Variants in CNTN5 observed in about 807,000 individuals in gnomAD.
CNTN5 encodes the protein contactin 5, also known as contactin-5.
Under a neutral mutation model 129.1 loss-of-function variants are expected in CNTN5, and 77 were observed. That is an observed-to-expected ratio of 0.60 (90% CI 0.50 to 0.72). The LOEUF is 0.72. CNTN5 is among the 30% of genes least tolerant of loss of function. The pLI is 0.00. For missense variants in CNTN5, 1,478 were observed against 1,328.8 expected, an observed-to-expected ratio of 1.11 and a Z score of -1.75; for synonymous variants, 509 against 465.6, an observed-to-expected ratio of 1.09 and a Z score of -1.20.
intron 2 of CNTN5, among the ~76,000 whole-genome samples, chr11:99,362,200 A>G (rs1055620797): frequency 5.9e-5 from 9 of 151,946 alleles, no homozygotes; most frequent in Admixed American, 5.2e-4. Context: ...GTGGGATCTC[A>G]CTGTGGTTTT....
intron 3 of CNTN5, among the ~76,000 whole-genome samples, chr11:99,621,535 T>TATTTAGTG (rs5793999): frequency 2.6e-5 from 4 of 151,630 alleles, no homozygotes; most frequent in Admixed American, 2.0e-4. Flanking sequence ...AATACAAAAA[T>TATTTAGTG]AGTAAATATT....
At chr11:99,639,974 C>G (rs545741852) in intron 3 of CNTN5, among the ~76,000 whole-genome samples, 15 of 152,100 alleles carry the variant, frequency 9.9e-5, no homozygotes, top group Non-Finnish European at 1.5e-5. Context: ...GACAAAATGC[C>G]GCCAGTCTCT....
At chr11:99,193,805 C>A (rs952162513) in intron 1 of CNTN5, among the ~76,000 whole-genome samples, 2 of 152,136 alleles carry the variant, frequency 1.3e-5, no homozygotes, top group Non-Finnish European at 2.9e-5. Context: ...CATCAAACTA[C>A]CCTTTGGAAA....
intron 6 of CNTN5, among the ~76,000 whole-genome samples, chr11:99,871,048 A>C (rs1948491819): frequency 6.6e-6 from 1 of 152,110 alleles, no homozygotes; most frequent in African/African-American, 2.4e-5. Flanking sequence ...ATTTGTAAGT[A>C]GCAATTTACT....
chr11:99,226,087 C>A (rs1156669965), intron 1 of CNTN5, among the ~76,000 whole-genome samples: 1 of 152,078 alleles, frequency 6.6e-6, no homozygotes, highest in Admixed American at 6.5e-5. Context: ...TTTAAGAGAT[C>A]ATGATATTTG....
At chr11:99,080,238 G>T (rs1865735658) in intron 1 of CNTN5, among the ~76,000 whole-genome samples, 1 of 152,098 alleles carries the variant, frequency 6.6e-6, no homozygotes, top group Non-Finnish European at 1.5e-5. Context: ...ATATTAATTT[G>T]AATAGGCTTG....
chr11:99,143,676 A>G (rs1859642875), intron 1 of CNTN5, among the ~76,000 whole-genome samples: 1 of 152,188 alleles, frequency 6.6e-6, no homozygotes, highest in Admixed American at 6.5e-5. Flanking sequence ...TTTTTGGTGA[A>G]AACCTTAAAT....
intron 3 of CNTN5, among the ~76,000 whole-genome samples, chr11:99,759,406 A>C (rs547604438): frequency 6.6e-6 from 1 of 152,172 alleles, no homozygotes; most frequent in African/African-American, 2.4e-5. Flanking sequence ...ATTGCCATTT[A>C]TCTGCTGAAA....
intron 2 of CNTN5, among the ~76,000 whole-genome samples, chr11:99,340,769 C>T (rs115917263): frequency 0.018 from 2,729 of 152,176 alleles, 76 homozygotes; most frequent in African/African-American, 0.062. Flanking sequence ...AAAAATAATT[C>T]TATAAAATAA....
intron 15 of CNTN5, among the ~76,000 whole-genome samples, chr11:100,220,208 C>T (rs550607448): frequency 1.5e-4 from 23 of 151,736 alleles, no homozygotes; most frequent in Admixed American, 9.2e-4. Context: ...ACCCGGGAGG[C>T]GGAGCTTGCA....
intron 3 of CNTN5, among the ~76,000 whole-genome samples, chr11:99,729,087 A>G (rs1943443653): frequency 6.6e-6 from 1 of 152,156 alleles, no homozygotes. Context: ...CTGCTCCTCA[A>G]AGAATCTCTA....
chr11:99,772,975 T>C (rs1365074065), intron 3 of CNTN5, among the ~76,000 whole-genome samples: 2 of 152,074 alleles, frequency 1.3e-5, no homozygotes, highest in Non-Finnish European at 2.9e-5. Context: ...AGCAGCCACA[T>C]AGAGGTATAA....
chr11:100,219,851 G>A lies in CNTN5; in HGVS notation c.1885-4841G>A, dbSNP rs1057465053. Among the ~76,000 whole-genome samples the A allele has an allele frequency of 2.6e-5, 4 of 152,014 alleles. 1 individual carries two copies. The highest frequency in any genetic ancestry group is 6.6e-5 in the Admixed American group (1 of 15,260). ...ACATGTTCAGTTATTCAAGCATGTA[G>A]GTTAAATATCATCTATTTTCTAAAA... On this transcript the variant is annotated intron_variant, in intron 15 of 24. Coordinates refer to ENST00000524871, the MANE Select transcript of CNTN5 (RefSeq NM_014361.4).
At chr11:99,651,503 C>T (rs1952155587) in intron 3 of CNTN5, among the ~76,000 whole-genome samples, 1 of 151,838 alleles carries the variant, frequency 6.6e-6, no homozygotes, top group Admixed American at 6.6e-5. Context: ...CTCTTCATGC[C>T]CCTAGTAAGA....
chr11:99,709,926 G>C (rs1954903749), intron 3 of CNTN5, among the ~76,000 whole-genome samples: 1 of 151,776 alleles, frequency 6.6e-6, no homozygotes, highest in African/African-American at 2.4e-5. Flanking sequence ...TTTATTTGGT[G>C]TTTGAGTTTA....
chr11:99,652,646 A>G (rs541652815), intron 3 of CNTN5, among the ~76,000 whole-genome samples: 7 of 152,206 alleles, frequency 4.6e-5, no homozygotes, highest in African/African-American at 1.7e-4. Flanking sequence ...AATTTTGATC[A>G]GAACTTACAC....
intron 1 of CNTN5, among the ~76,000 whole-genome samples, chr11:99,043,447 T>C (rs1247824293): frequency 6.6e-6 from 1 of 151,906 alleles, no homozygotes; most frequent in East Asian, 1.9e-4. Context: ...AAAAAAAGAA[T>C]AATTAGAACT....
At chr11:100,266,892 C>T (rs546536839) in intron 17 of CNTN5, among the ~76,000 whole-genome samples, 2 of 152,020 alleles carry the variant, frequency 1.3e-5, no homozygotes, top group African/African-American at 2.4e-5. Context: ...GTTTACCAAG[C>T]GCCTTTTAGG....
chr11:100,013,728 T>C (rs1219022686), intron 9 of CNTN5, among the ~76,000 whole-genome samples: 1 of 152,180 alleles, frequency 6.6e-6, no homozygotes, highest in African/African-American at 2.4e-5. Context: ...TACTAGAAAT[T>C]GAAATGTTTC....
Sources: allele counts gnomAD v4.1 joint callset (sites outside exome capture counted in the v4.1 genomes callset), GRCh38; gene constraint gnomAD v4.1.1; transcripts MANE v1.5; gene names NCBI Gene and HGNC (gene_info 2026-07-23, HGNC 2026-07-21).